The following CRTC2 variants were observed in gnomAD, a reference collection of about 807,000 sequenced individuals.
CRTC2 encodes CREB-regulated transcription coactivator 2.
CRTC2 carries 25 observed loss-of-function variants against 70.9 expected under a neutral mutation model. That is an observed-to-expected ratio of 0.35 (90% CI 0.26 to 0.49). CRTC2 has a LOEUF of 0.49. CRTC2 is among the 20% of genes least tolerant of loss of function. The pLI, the probability that CRTC2 is intolerant of heterozygous loss-of-function variation, is 0.98. For missense variants in CRTC2, 737 were observed against 882.6 expected, an observed-to-expected ratio of 0.83 and a Z score of 2.09; for synonymous variants, 330 against 364.1, an observed-to-expected ratio of 0.91 and a Z score of 1.07.
In CRTC2 at chr1:153,952,256, A is replaced by T. The variant is rs200042478; in HGVS notation, c.759T>A (p.Phe253Leu). Residue 253 changes from phenylalanine to leucine, a missense_variant, in exon 10 of 14, where the codon TTT becomes TTA. By Grantham distance (22) the Phe-to-Leu change is conservative (BLOSUM62 0). Coordinates refer to ENST00000368633, the MANE Select transcript of CRTC2 (RefSeq NM_181715.3). ...RSCEVPGINI[F>L]PSPDQPANVP... is the part of the protein sequence containing the mutation. ...CATTGGCAGGCTGGTCAGGAGATGG[A>T]AAGATGCTAGGGGAAGGAGAGAAAA... 1 of 1,606,778 alleles carries T rather than the reference A, an allele frequency of 6.2e-7. No homozygotes were observed. The highest frequency in any genetic ancestry group is 1.3e-5 in the African/African-American group (1 of 74,882).
chr1:153,949,573 T>C (rs1680214805), intron 11 of CRTC2, among the ~76,000 whole-genome samples, 189 bp from the exon 12 acceptor site: 1 of 151,772 alleles, frequency 6.6e-6, no homozygotes, highest in Non-Finnish European at 1.5e-5. Flanking sequence ...GTTGGCAGGG[T>C]GTGGTGGCTC....
At chr1:153,949,855 A>C (rs1385770500) in intron 11 of CRTC2, among the ~76,000 whole-genome samples, 1 of 151,996 alleles carries the variant, frequency 6.6e-6, no homozygotes, top group Admixed American at 6.6e-5. Flanking sequence ...GTCTCCAAAA[A>C]AAAAAAAGTG....
In CRTC2 at chr1:153,948,322, G is replaced by C. The variant is rs138486317; in HGVS notation, c.1869C>G (p.Ser623=). ...SGPNIILTGD[S]SPGFSKEIAA... ...CAATCTCCTTAGAGAAACCTGGAGA[G>C]GAGTCCCCTGTGGGTAGAAGAGACA... is the stretch of plus-strand genomic sequence containing the variant. Residue 623 remains serine (S), a synonymous_variant, in exon 14 of 14, where the codon TCC becomes TCG. Coordinates refer to ENST00000368633, the MANE Select transcript of CRTC2 (RefSeq NM_181715.3). 6 of 1,614,256 alleles carry C rather than the reference G, an allele frequency of 3.7e-6. No homozygotes were observed. Among genetic ancestry groups the C allele is most frequent in the Non-Finnish European group, 5.1e-6 (6 of 1,180,046 alleles).
rs553996906 is a variant in CRTC2, at chr1:153,954,784, C to A, written c.372+89G>T. On this transcript the variant is annotated intron_variant, in intron 3 of 13. Transcript: ENST00000368633. ...GAAGAGCTCCAAGAGAAGGAAGGGACGCACAACACTTCAAGTGCTTCCTAT... is the reference window on the plus strand; with the variant it reads ...GAAGAGCTCCAAGAGAAGGAAGGGAAGCACAACACTTCAAGTGCTTCCTAT... The A allele has an allele frequency of 1.5e-5, 17 of 1,119,620 alleles. No individual in the cohort carries two copies. In the South Asian group the frequency reaches 2.2e-4, roughly 15 times the overall value. The allele number at this position is 1,119,620 out of a possible 1,614,324, so 69.4% of individuals were successfully genotyped here.
chr1:153,952,315 T>C, intron 9 of CRTC2, 53 bp from the exon 10 acceptor site: 1 of 1,601,864 alleles, frequency 6.2e-7, no homozygotes, highest in Non-Finnish European at 8.5e-7. Context: ...GGTGCAGTGG[T>C]CAGGGAAGAG....
intron 4 of CRTC2, 55 bp downstream of exon 4, chr1:153,954,200 T>G: frequency 7.0e-7 from 1 of 1,419,484 alleles, no homozygotes; most frequent in South Asian, 1.2e-5. Context: ...GGGCAACTCC[T>G]TCCAGAAACA....
chr1:153,952,256 A>G lies in CRTC2; in HGVS notation c.759T>C (p.Phe253=), dbSNP rs200042478. The G allele has an allele frequency of 8.7e-6, 14 of 1,606,660 alleles. No individual in the cohort carries two copies. In the East Asian group the frequency reaches 2.7e-4, roughly 31 times the overall value. ...RSCEVPGINI[F]PSPDQPANVP... is the part of the protein sequence containing the mutation. Reference sequence around the variant, plus strand: ...CATTGGCAGGCTGGTCAGGAGATGGAAAGATGCTAGGGGAAGGAGAGAAAA... The same window carrying G: ...CATTGGCAGGCTGGTCAGGAGATGGGAAGATGCTAGGGGAAGGAGAGAAAA... Residue 253 remains phenylalanine (F), a synonymous_variant, in exon 10 of 14, where the codon TTT becomes TTC. Transcript: ENST00000368633.
intron 1 of CRTC2, chr1:153,958,117 C>T: frequency 7.2e-7 from 1 of 1,396,582 alleles, no homozygotes; most frequent in Non-Finnish European, 9.3e-7. Flanking sequence ...CTCACGTACT[C>T]GGCCCCCAGT....
chr1:153,949,148 G>A lies in CRTC2; in HGVS notation c.1641C>T (p.Tyr547=). ...PGPSGHGQQS[Y]HRPMSDFNLG... ...GGTTGAAGTCACTCATTGGCCGGTG[G>A]TAAGACTGTTGCCCATGCCCACTGG... The change falls in exon 12 of 14, where the codon TAC becomes TAT. Residue 547 remains tyrosine (Y), a synonymous_variant. Coordinates refer to ENST00000368633, the MANE Select transcript of CRTC2 (RefSeq NM_181715.3). The A allele has an allele frequency of 6.2e-7, 1 of 1,612,700 alleles. No homozygotes were observed. Among genetic ancestry groups the A allele is most frequent in the Non-Finnish European group, 8.5e-7 (1 of 1,179,282 alleles).
chr1:153,952,438 TGAG>T lies in CRTC2; in HGVS notation c.708_710del (p.Ser240del). 1 of 1,614,064 alleles carries T rather than the reference TGAG, an allele frequency of 6.2e-7. No individual in the cohort carries two copies. The highest frequency in any genetic ancestry group is 8.5e-7 in the Non-Finnish European group (1 of 1,179,996). On this transcript the variant is annotated inframe_deletion, in exon 9 of 14. Coordinates refer to ENST00000368633, the MANE Select transcript of CRTC2 (RefSeq NM_181715.3). ...CACAGGACCGAGGTCGGGAAGAGGATGAGGATAGCTGAGGAGAGAAGGGAGAAT... is the reference window on the plus strand; with the variant it reads ...CACAGGACCGAGGTCGGGAAGAGGATGATAGCTGAGGAGAGAAGGGAGAAT...
chr1:153,951,136 G>A (rs530331370), intron 11 of CRTC2, 124 bp downstream of exon 11: 25 of 1,053,802 alleles, frequency 2.4e-5, no homozygotes, highest in African/African-American at 4.7e-5. Flanking sequence ...GGCAGGCGGA[G>A]GACAGAGGAA....
At position 153,947,821 on chromosome 1, in the gene CRTC2, A is replaced by T; in HGVS notation, c.*288T>A. On this transcript the variant is annotated 3_prime_UTR_variant, in exon 14 of 14. Coordinates refer to ENST00000368633, the MANE Select transcript of CRTC2 (RefSeq NM_181715.3). ...AGGCATCCGGAAAAGCCCTGCTTCC[A>T]GGGCTCCCCTCTACCCCTGCTTTCC... The T allele has an allele frequency of 2.2e-6, 1 of 462,878 alleles. No individual in the cohort carries two copies. The highest frequency in any genetic ancestry group is 3.5e-5 in the Admixed American group (1 of 28,648). The allele number at this position is 462,878 out of a possible 1,614,324, so 28.7% of individuals were successfully genotyped here. A position where few individuals can be genotyped will look rare whatever the true frequency, so the allele number is the denominator to read the frequency against.
chr1:153,954,397 A>G (rs1260181948), intron 3 of CRTC2, 81 bp from the exon 4 acceptor site: 15 of 969,160 alleles, frequency 1.5e-5, no homozygotes, highest in South Asian at 1.1e-4. Flanking sequence ...AAGGCAGCAG[A>G]TAAGTTGTTT....
chr1:153,958,138 C>A lies in CRTC2; in HGVS notation c.153+207G>T, dbSNP rs1018892630. 2.8e-6 allele frequency: 4 copies of A among 1,414,434 alleles called. No individual in the cohort carries two copies. The African/African-American group carries it at 4.4e-5, about 16-fold the overall frequency. The allele number at this position is 1,414,434 out of a possible 1,614,324, so 87.6% of individuals were successfully genotyped here. The stretch of plus-strand genomic sequence containing the variant: ...TACTCGGCCCCCAGTCGCCTCTACA[C>A]CCCGAACCTCTCCGGTGTTTCGGTC... On this transcript the variant is annotated intron_variant, in intron 1 of 13. Transcript: ENST00000368633.
At chr1:153,953,629 T>C in intron 4 of CRTC2, 23 bp from the exon 5 acceptor site, 2 of 1,580,008 alleles carry the variant, frequency 1.3e-6, no homozygotes, top group South Asian at 1.1e-5. Flanking sequence ...AACAAAGTCA[T>C]GAGGAGGAAG....
In CRTC2 at chr1:153,949,131, T is replaced by C; in HGVS notation, c.1658A>G (p.Asp553Gly). Residue 553 changes from aspartate (D) to glycine (G), a missense_variant, in exon 12 of 14, where the codon GAC becomes GGC. By Grantham distance (94) the Asp-to-Gly change is moderately conservative. Coordinates refer to ENST00000368633, the MANE Select transcript of CRTC2 (RefSeq NM_181715.3). ...AGTACTCACATTCCCCAGGTTGAAG[T>C]CACTCATTGGCCGGTGGTAAGACTG... ...GQQSYHRPMS[D>G]FNLGNLEQFS... 1 of 1,608,968 alleles carries C rather than the reference T, an allele frequency of 6.2e-7. No homozygotes were observed. Among genetic ancestry groups the C allele is most frequent in the Middle Eastern group, 1.7e-4 (1 of 6,022 alleles).
At chr1:153,952,689 G>A in intron 7 of CRTC2, 54 bp from the exon 8 acceptor site, 1 of 1,609,716 alleles carries the variant, frequency 6.2e-7, no homozygotes, top group Non-Finnish European at 8.5e-7. Flanking sequence ...CAGTAAGGCA[G>A]GACAGGAAGC....
intron 1 of CRTC2, chr1:153,957,990 A>G (rs775959794): frequency 3.2e-5 from 35 of 1,100,354 alleles, no homozygotes; most frequent in Non-Finnish European, 3.9e-5. Context: ...CCCAGGCCAT[A>G]CCCCAATACC....
chr1:153,953,082 C>G, intron 6 of CRTC2, 184 bp downstream of exon 6: 1 of 610,726 alleles, frequency 1.6e-6, no homozygotes, highest in Non-Finnish European at 2.9e-6. Context: ...ACTCAGGAGG[C>G]TGAGGCAGGA....
Sources: gnomAD v4.1 joint callset for allele counts (sites outside exome capture counted in the v4.1 genomes callset) on GRCh38, gnomAD v4.1.1 for gene constraint, MANE v1.5 for transcripts, NCBI Gene and HGNC (gene_info 2026-07-23, HGNC 2026-07-21) for gene names.